ADAMTS6: variants seen among roughly 807,000 people sequenced by gnomAD.
ADAMTS6 encodes the protein ADAM metallopeptidase with thrombospondin type 1 motif 6.
Under a neutral mutation model 144.3 loss-of-function variants are expected in ADAMTS6, and 23 were observed. That is an observed-to-expected ratio of 0.16 (90% CI 0.11 to 0.23). The LOEUF is 0.23. Among genes scored for constraint, ADAMTS6 ranks in the 10% least tolerant of loss-of-function variants. The probability of loss-of-function intolerance (pLI) is 1.00; values close to 1 mark genes in which losing one functional copy is unlikely to be tolerated. For synonymous variants in ADAMTS6, 444 were observed against 457.5 expected (o/e 0.97, Z 0.38); for missense variants, 999 against 1,379.6 (o/e 0.72, Z 4.37).
At chr5:65,440,980 C>T (rs889920521) in intron 7 of ADAMTS6, among the ~76,000 whole-genome samples, 14 of 152,128 alleles carry the variant, frequency 9.2e-5, no homozygotes, top group African/African-American at 2.4e-5. Flanking sequence ...TGTCAGGCAC[C>T]CAATCAAAGA....
At chr5:65,168,714 C>A (rs1438479200) in intron 24 of ADAMTS6, among the ~76,000 whole-genome samples, 1 of 129,872 alleles carries the variant, frequency 7.7e-6, no homozygotes, top group Admixed American at 8.9e-5. Flanking sequence ...AGAACAGAGC[C>A]CTCAGAAATA....
chr5:65,220,674 G>A (rs1203335316), intron 18 of ADAMTS6, among the ~76,000 whole-genome samples: 3 of 152,172 alleles, frequency 2.0e-5, no homozygotes, highest in Non-Finnish European at 4.4e-5. Context: ...ATGAACCTGG[G>A]AGGCGGTGCT....
intron 20 of ADAMTS6, 47 bp from the exon 21 acceptor site, chr5:65,197,198 A>G (rs761009387): frequency 7.5e-6 from 12 of 1,603,874 alleles, no homozygotes; most frequent in African/African-American, 1.3e-5. Flanking sequence ...TTTACCTTCC[A>G]TTAAGTTAGG....
At chr5:65,397,434 T>C (rs192151876) in intron 7 of ADAMTS6, among the ~76,000 whole-genome samples, 2 of 152,346 alleles carry the variant, frequency 1.3e-5, no homozygotes, top group East Asian at 3.9e-4. Flanking sequence ...CCCTTTCTAA[T>C]ATATGCAACC....
chr5:65,439,741 T>C (rs1757724234), intron 7 of ADAMTS6, among the ~76,000 whole-genome samples: 1 of 152,202 alleles, frequency 6.6e-6, no homozygotes, highest in Non-Finnish European at 1.5e-5. Flanking sequence ...ATAATAGTAC[T>C]GTATCAACAC....
At chr5:65,288,330 T>C (rs1257057743) in intron 11 of ADAMTS6, among the ~76,000 whole-genome samples, 1 of 151,478 alleles carries the variant, frequency 6.6e-6, no homozygotes, top group Non-Finnish European at 1.5e-5. Flanking sequence ...TTTTTTTTTT[T>C]TTAAGATGGA....
At chr5:65,342,026 A>ATAGTTCAACATAT (rs1747886026) in intron 7 of ADAMTS6, among the ~76,000 whole-genome samples, 1 of 152,222 alleles carries the variant, frequency 6.6e-6, no homozygotes, top group Non-Finnish European at 1.5e-5. Context: ...GAATGCAAGG[A>ATAGTTCAACATAT]TAGTTCAACA....
At chr5:65,155,795 G>A (rs1752379477) in intron 24 of ADAMTS6, among the ~76,000 whole-genome samples, 1 of 152,106 alleles carries the variant, frequency 6.6e-6, no homozygotes, top group Non-Finnish European at 1.5e-5. Context: ...TGTATTCTTG[G>A]CTGACAACAC....
intron 7 of ADAMTS6, among the ~76,000 whole-genome samples, chr5:65,342,890 G>A (rs950110618): frequency 6.6e-6 from 1 of 151,954 alleles, no homozygotes; most frequent in African/African-American, 2.4e-5. Context: ...AAAATCAGTA[G>A]CATTTCTATA....
chr5:65,474,597 A>G (rs1178734141), intron 1 of ADAMTS6, among the ~76,000 whole-genome samples: 1 of 152,048 alleles, frequency 6.6e-6, no homozygotes, highest in Admixed American at 6.5e-5. Context: ...GAAAATTTTA[A>G]AACTTCATTT....
In ADAMTS6 at chr5:65,442,530, T is replaced by C. The variant is rs1315393194; in HGVS notation, c.1073+8945A>G. Among the ~76,000 whole-genome samples, 4 of 152,150 alleles carry C rather than the reference T, an allele frequency of 2.6e-5. No individual in the cohort carries two copies. The South Asian group carries it at 6.2e-4, about 24-fold the overall frequency. ...CCAGAAAATTGAAAAGAAGGAACTA[T>C]CTCATAACTCATTCTGTGAGGGCAA... On this transcript the variant is annotated intron_variant, in intron 7 of 24. Transcript: ENST00000381055.
At chr5:65,256,753 C>T (rs1432855357) in intron 14 of ADAMTS6, among the ~76,000 whole-genome samples, 1 of 151,930 alleles carries the variant, frequency 6.6e-6, no homozygotes, top group Non-Finnish European at 1.5e-5. Flanking sequence ...TACGCCCAAC[C>T]CTGCAATTAT....
intron 11 of ADAMTS6, among the ~76,000 whole-genome samples, chr5:65,286,036 G>T (rs1025557376): frequency 1.3e-5 from 2 of 152,142 alleles, no homozygotes; most frequent in Admixed American, 1.3e-4. Context: ...AAGTACAAAA[G>T]GTTCAGATTC....
intron 9 of ADAMTS6, among the ~76,000 whole-genome samples, chr5:65,324,179 A>T (rs1380579333): frequency 1.3e-5 from 2 of 152,212 alleles, no homozygotes; most frequent in Non-Finnish European, 2.9e-5. Flanking sequence ...TGTTTTAGAC[A>T]TGAAGTCCTT....
At chr5:65,267,833 T>C (rs1474173345) in intron 12 of ADAMTS6, among the ~76,000 whole-genome samples, 1 of 152,168 alleles carries the variant, frequency 6.6e-6, no homozygotes, top group East Asian at 1.9e-4. Context: ...ATATTAGTGA[T>C]TCAATACAGA....
intron 11 of ADAMTS6, among the ~76,000 whole-genome samples, chr5:65,276,375 A>G (rs961858213): frequency 6.6e-6 from 1 of 152,192 alleles, no homozygotes; most frequent in South Asian, 2.1e-4. Context: ...CAAAATGTAG[A>G]ACTAGTCATG....
chr5:65,475,555 G>A (rs1760790973), intron 1 of ADAMTS6, among the ~76,000 whole-genome samples: 1 of 152,208 alleles, frequency 6.6e-6, no homozygotes, highest in Admixed American at 6.5e-5. Flanking sequence ...GAGATCAGAT[G>A]AGGGAGATGA....
At chr5:65,183,255 A>G (rs1754469455) in intron 22 of ADAMTS6, among the ~76,000 whole-genome samples, 1 of 152,136 alleles carries the variant, frequency 6.6e-6, no homozygotes, top group African/African-American at 2.4e-5. Flanking sequence ...CTACTGATAA[A>G]TACAGAATCC....
chr5:65,367,688 G>A (rs1025433291), intron 7 of ADAMTS6, among the ~76,000 whole-genome samples: 5 of 151,944 alleles, frequency 3.3e-5, no homozygotes, highest in African/African-American at 1.2e-4. Context: ...TTCTGACTGC[G>A]TCACGATCCA....
Sources: allele counts gnomAD v4.1 joint callset (sites outside exome capture counted in the v4.1 genomes callset), GRCh38; gene constraint gnomAD v4.1.1; transcripts MANE v1.5; gene names NCBI Gene and HGNC (gene_info 2026-07-23, HGNC 2026-07-21).